Variants in ARMC2 observed in about 807,000 individuals in gnomAD.
ARMC2 encodes the protein armadillo repeat-containing protein 2.
ARMC2 carries 67 observed loss-of-function variants against 90.3 expected under a neutral mutation model. That is an observed-to-expected ratio of 0.74 (90% CI 0.61 to 0.91). The LOEUF (loss-of-function observed/expected upper bound fraction) is 0.91, where lower values mean the gene tolerates loss of function less well. ARMC2 is among the 40% of genes least tolerant of loss of function. The pLI is 0.00. For synonymous variants in ARMC2, 393 were observed against 393.0 expected (o/e 1.00, Z 0.00); for missense variants, 920 against 1,030.9 (o/e 0.89, Z 1.47).
At chr6:108,881,941 T>C (rs552157381) in intron 5 of ARMC2, among the ~76,000 whole-genome samples, 30 of 152,156 alleles carry the variant, frequency 2.0e-4, no homozygotes, top group African/African-American at 7.2e-4. Flanking sequence ...CGTTAATAAA[T>C]AAATGGCTCT....
intron 17 of ARMC2, among the ~76,000 whole-genome samples, chr6:108,972,688 G>A (rs550598928): frequency 2.6e-5 from 4 of 152,126 alleles, no homozygotes; most frequent in Non-Finnish European, 5.9e-5. Flanking sequence ...TTTTGAGACA[G>A]GGTCTCTCTG....
chr6:108,965,070 C>G lies in ARMC2; in HGVS notation c.2376C>G (p.Ile792Met), dbSNP rs1778266864. 6.2e-7 allele frequency: 1 copy of G among 1,613,594 alleles called. No homozygotes were observed. Among genetic ancestry groups the G allele is most frequent in the Admixed American group, 1.7e-5 (1 of 59,992 alleles). Residue 792 changes from isoleucine (I) to methionine (M), a missense_variant, in exon 17 of 18, where the codon ATC (isoleucine) becomes ATG (methionine). Ile to Met is a conservative substitution (Grantham distance 10). Transcript: ENST00000392644. ...CTTTATGGAACTTCAGTGAAAACAT[C>G]ACTAATGCTTCGTCATGTTTTGGAA... ...CKTLWNFSEN[I>M]TNASSCFGNE...
chr6:108,871,612 T>G (rs1212586439), intron 4 of ARMC2, among the ~76,000 whole-genome samples: 5 of 152,072 alleles, frequency 3.3e-5, no homozygotes, highest in Non-Finnish European at 2.9e-5. Flanking sequence ...CTTTTGGGAG[T>G]GCATGCTAGA....
At chr6:108,943,933 C>T (rs1023405512) in intron 12 of ARMC2, among the ~76,000 whole-genome samples, 5 of 152,172 alleles carry the variant, frequency 3.3e-5, no homozygotes, top group Admixed American at 6.5e-5. Context: ...AATAGAAATA[C>T]AGGTGCTCAG....
chr6:109,045,222 A>G, the ARMC2 span, among the ~76,000 whole-genome samples: 1 of 152,172 alleles, frequency 6.6e-6, no homozygotes, highest in African/African-American at 2.4e-5. Flanking sequence ...ACATCCTAGA[A>G]ACTGTAAAAT....
At chr6:108,964,341 C>G in intron 16 of ARMC2, 29 bp downstream of exon 16, 3 of 1,604,612 alleles carry the variant, frequency 1.9e-6, no homozygotes, top group Non-Finnish European at 2.6e-6. Context: ...AGTACTGACT[C>G]TCTCAGGATT....
rs371393701 is a variant in ARMC2, at chr6:108,952,473, A to G, written c.1597-560A>G. Among the ~76,000 whole-genome samples the G allele has an allele frequency of 6.8e-4, 102 of 150,608 alleles. 2 individuals carry two copies. In the South Asian group the frequency reaches 0.02, roughly 29 times the overall value. On this transcript the variant is annotated intron_variant, in intron 12 of 17. Transcript: ENST00000392644. ...ACACAGCGCTTCTCCACAGGGGGCA[A>G]TTTTGGCTGTCACATCTGGAGAGGT...
the ARMC2 span, chr6:108,990,500 T>C: frequency 1.4e-6 from 1 of 730,476 alleles, no homozygotes; most frequent in Non-Finnish European, 2.2e-6. Flanking sequence ...AGTGGTTCTT[T>C]GAAGCATAAA....
intron 5 of ARMC2, among the ~76,000 whole-genome samples, chr6:108,889,831 C>T (rs1770775653): frequency 6.6e-6 from 1 of 151,808 alleles, no homozygotes; most frequent in African/African-American, 2.4e-5. Flanking sequence ...CTAGTTCTTA[C>T]AATCTGTTGA....
At chr6:109,027,211 G>A in the ARMC2 span, among the ~76,000 whole-genome samples, 9 of 151,692 alleles carry the variant, frequency 5.9e-5, no homozygotes, top group Non-Finnish European at 1.2e-4. Context: ...GGTGGCTCAC[G>A]CCTGTAATCC....
At chr6:109,023,027 G>C in the ARMC2 span, among the ~76,000 whole-genome samples, 1 of 152,250 alleles carries the variant, frequency 6.6e-6, no homozygotes, top group East Asian at 1.9e-4. Context: ...AATCTGCTCT[G>C]TATGACTGCT....
chr6:108,851,172 C>T (rs961027390), intron 1 of ARMC2, among the ~76,000 whole-genome samples: 7 of 152,136 alleles, frequency 4.6e-5, no homozygotes, highest in Non-Finnish European at 8.8e-5. Flanking sequence ...TGTCCACACA[C>T]ACCCTGTATG....
At chr6:108,914,272 C>T (rs1175928293) in intron 10 of ARMC2, among the ~76,000 whole-genome samples, 1 of 152,100 alleles carries the variant, frequency 6.6e-6, no homozygotes, top group Non-Finnish European at 1.5e-5. Flanking sequence ...GAAAGGGGAC[C>T]TCTGGTGTGC....
chr6:108,858,152 G>T, intron 2 of ARMC2, 47 bp from the exon 3 acceptor site: 1 of 1,469,296 alleles, frequency 6.8e-7, no homozygotes, highest in Non-Finnish European at 9.4e-7. Context: ...TATAAATAAA[G>T]AAATAATTCT....
chr6:108,937,959 C>T (rs1776097161), intron 12 of ARMC2, among the ~76,000 whole-genome samples: 1 of 152,166 alleles, frequency 6.6e-6, no homozygotes. Flanking sequence ...GCCTCCCTCC[C>T]AAAGTGCTGG....
At chr6:108,979,494 ATCTT>A in the ARMC2 span, among the ~76,000 whole-genome samples, 1 of 152,024 alleles carries the variant, frequency 6.6e-6, no homozygotes, top group Admixed American at 6.6e-5. Flanking sequence ...TTCGAGGAGT[ATCTT>A]TGTGGTGCTC....
In ARMC2 at chr6:108,969,024, A is replaced by G. The variant is rs77212049; in HGVS notation, c.2446+3884A>G. On this transcript the variant is annotated intron_variant, in intron 17 of 17. Transcript: ENST00000392644. Reference sequence around the variant, plus strand: ...GGTGTGCTGAGCACTCCAGACTACCATGAGCCCCTCTGTGGGGAGCTGGCA... The same window carrying G: ...GGTGTGCTGAGCACTCCAGACTACCGTGAGCCCCTCTGTGGGGAGCTGGCA... Among the ~76,000 whole-genome samples the G allele has an allele frequency of 1.8e-3, 277 of 152,304 alleles. 2 individuals are homozygous for G. Among genetic ancestry groups the G allele is most frequent in the African/African-American group, 6.3e-3 (261 of 41,564 alleles).
In ARMC2 at chr6:108,965,077, G is replaced by T. The variant is rs773915306; in HGVS notation, c.2383G>T (p.Ala795Ser). Residue 795 changes from alanine (A) to serine (S), a missense_variant, in exon 17 of 18, where the codon GCT (alanine) becomes TCT (serine). Physicochemically the swap from Ala to Ser is moderately conservative, Grantham distance 99. Transcript: ENST00000392644. ...GAACTTCAGTGAAAACATCACTAAT[G>T]CTTCGTCATGTTTTGGAAATGAAGA... Reference protein sequence around the residue: ...LWNFSENITNASSCFGNEDTN... With the variant: ...LWNFSENITNSSSCFGNEDTN... 12 of 1,613,568 alleles carry T rather than the reference G, an allele frequency of 7.4e-6. No homozygotes were observed. The highest frequency in any genetic ancestry group is 1.0e-5 in the Non-Finnish European group (12 of 1,179,694).
chr6:108,909,355 A>T (rs1298928116), intron 8 of ARMC2, among the ~76,000 whole-genome samples: 1 of 152,066 alleles, frequency 6.6e-6, no homozygotes, highest in Non-Finnish European at 1.5e-5. Context: ...AATATTAGAT[A>T]CTTAGGATGT....
Sources: gnomAD v4.1 joint callset for allele counts (sites outside exome capture counted in the v4.1 genomes callset) on GRCh38, gnomAD v4.1.1 for gene constraint, MANE v1.5 for transcripts, NCBI Gene and HGNC (gene_info 2026-07-23, HGNC 2026-07-21) for gene names.